The following WDR41 variants were observed in gnomAD, a reference collection of about 807,000 sequenced individuals.
WDR41 encodes the protein WD repeat-containing protein 41.
In WDR41, 63 loss-of-function variants were observed where a neutral mutation model predicts 69.3. That is an observed-to-expected ratio of 0.91 (90% CI 0.74 to 1.12). The LOEUF (loss-of-function observed/expected upper bound fraction) is 1.12, where lower values mean the gene tolerates loss of function less well. WDR41 is among the 50% of genes most tolerant of loss of function. The probability of loss-of-function intolerance (pLI) is 0.00; values close to 1 mark genes in which losing one functional copy is unlikely to be tolerated. For missense variants in WDR41, 543 were observed against 534.5 expected (o/e 1.02, Z -0.16); for synonymous variants, 185 against 192.1 (o/e 0.96, Z 0.31).
At chr5:77,561,832 CA>C (rs1318597343) in intron 1 of WDR41, among the ~76,000 whole-genome samples, 1 of 151,764 alleles carries the variant, frequency 6.6e-6, no homozygotes, top group Non-Finnish European at 1.5e-5. Flanking sequence ...TCTTTTGAAA[CA>C]AAAAAAGATT....
At chr5:77,470,657 CAACAAAGATCAAAAGA>C (rs1333765765) in intron 2 of WDR41, among the ~76,000 whole-genome samples, 1 of 152,034 alleles carries the variant, frequency 6.6e-6, no homozygotes, top group East Asian at 1.9e-4. Context: ...GACTTTAAAC[CAACAAAGATCAAAAGA>C]GACAAAGAAG....
intron 1 of WDR41, among the ~76,000 whole-genome samples, chr5:77,501,972 AT>A (rs1315124016): frequency 1.3e-5 from 2 of 152,140 alleles, no homozygotes; most frequent in African/African-American, 2.4e-5. Flanking sequence ...CCTCTTCTCC[AT>A]CACAGCTCCT....
chr5:77,608,322 C>T (rs1744466613), intron 1 of WDR41, among the ~76,000 whole-genome samples: 1 of 152,144 alleles, frequency 6.6e-6, no homozygotes, highest in Non-Finnish European at 1.5e-5. Flanking sequence ...GGAGATCAAG[C>T]TGTTACCACT....
chr5:77,499,092 A>T (rs1801979270), intron 1 of WDR41, among the ~76,000 whole-genome samples: 2 of 152,222 alleles, frequency 1.3e-5, no homozygotes, highest in Admixed American at 1.3e-4. Context: ...TCTGAGTGAG[A>T]TAGGATAAAT....
intron 1 of WDR41, among the ~76,000 whole-genome samples, chr5:77,547,527 C>CA (rs370772709): frequency 0.034 from 4,078 of 120,706 alleles, 68 homozygotes; most frequent in Middle Eastern, 0.067. Context: ...ACAGTAGCTA[C>CA]AAAAAAAAAA....
intron 1 of WDR41, among the ~76,000 whole-genome samples, chr5:77,571,676 C>CA (rs1429090006): frequency 1.4e-4 from 22 of 152,240 alleles, no homozygotes; most frequent in Admixed American, 9.2e-4. Flanking sequence ...ATTCTTAGCT[C>CA]ACAGAGAGCA....
intron 1 of WDR41, among the ~76,000 whole-genome samples, chr5:77,498,658 A>G (rs1037716721): frequency 2.0e-5 from 3 of 152,014 alleles, no homozygotes; most frequent in African/African-American, 7.2e-5. Flanking sequence ...ATATCTATAA[A>G]AAGTTTTAAA....
At chr5:77,556,415 T>C (rs935068419) in intron 1 of WDR41, among the ~76,000 whole-genome samples, 6 of 152,016 alleles carry the variant, frequency 3.9e-5, no homozygotes, top group Non-Finnish European at 7.4e-5. Flanking sequence ...GACTGACTGT[T>C]TGTTTGTTTT....
At chr5:77,613,834 A>C in intron 1 of WDR41, among the ~76,000 whole-genome samples, 1 of 152,264 alleles carries the variant, frequency 6.6e-6, no homozygotes, top group Non-Finnish European at 1.5e-5. Flanking sequence ...AAAGCAAAAG[A>C]AACTACCATT....
upstream of WDR41, among the ~76,000 whole-genome samples, chr5:77,496,697 T>G (rs1288638170): frequency 3.3e-5 from 5 of 152,052 alleles, no homozygotes; most frequent in East Asian, 9.6e-4. Flanking sequence ...CAAAGCAATC[T>G]CCAGATTCAA....
At chr5:77,597,336 G>A (rs538880908) in intron 1 of WDR41, among the ~76,000 whole-genome samples, 1 of 152,084 alleles carries the variant, frequency 6.6e-6, no homozygotes, top group South Asian at 2.1e-4. Flanking sequence ...TGAGGAAAAG[G>A]TACTTTGAAT....
chr5:77,491,985 C>T (rs1801815964), intron 1 of WDR41, 185 bp downstream of exon 1: 1 of 715,686 alleles, frequency 1.4e-6, no homozygotes, highest in Non-Finnish European at 2.2e-6. Flanking sequence ...CCCGCCGGGT[C>T]TGAGGAGCTC....
intron 1 of WDR41, chr5:77,583,198 A>G (rs1391925301): frequency 3.7e-6 from 3 of 802,512 alleles, no homozygotes; most frequent in Non-Finnish European, 5.9e-6. Context: ...ATAAAAAAAA[A>G]AAGTGCAGAG....
chr5:77,444,891 A>G (rs911701543), intron 8 of WDR41, among the ~76,000 whole-genome samples: 1 of 152,246 alleles, frequency 6.6e-6, no homozygotes, highest in African/African-American at 2.4e-5. Context: ...TATAAAGTAA[A>G]AAGTACTAAT....
At chr5:77,474,956 C>T (rs1243530223) in intron 2 of WDR41, among the ~76,000 whole-genome samples, 1 of 152,152 alleles carries the variant, frequency 6.6e-6, no homozygotes. Context: ...TCAGTGGGTG[C>T]GTGCACCGTG....
intron 1 of WDR41, among the ~76,000 whole-genome samples, chr5:77,531,265 G>T (rs985148919): frequency 2.0e-5 from 3 of 151,372 alleles, no homozygotes; most frequent in African/African-American, 7.3e-5. Context: ...ATCTGAAAAG[G>T]GTCTCACATC....
At chr5:77,580,850 G>C (rs1173939629) in intron 1 of WDR41, among the ~76,000 whole-genome samples, 1 of 151,946 alleles carries the variant, frequency 6.6e-6, no homozygotes, top group African/African-American at 2.4e-5. Flanking sequence ...CAGCTACTTG[G>C]GAGGCTGAGG....
intron 1 of WDR41, among the ~76,000 whole-genome samples, chr5:77,591,800 A>T (rs1254368639): frequency 6.6e-6 from 1 of 152,126 alleles, no homozygotes; most frequent in Non-Finnish European, 1.5e-5. Context: ...AACTTGCTTT[A>T]TGTTCCACCA....
intron 2 of WDR41, among the ~76,000 whole-genome samples, chr5:77,472,250 AT>A (rs1354056144): frequency 6.6e-6 from 1 of 152,220 alleles, no homozygotes; most frequent in East Asian, 1.9e-4. Context: ...CTCTCAATAA[AT>A]TAGGTATGGA....
Sources: allele counts gnomAD v4.1 joint callset (sites outside exome capture counted in the v4.1 genomes callset), GRCh38; gene constraint gnomAD v4.1.1; transcripts MANE v1.5; gene names NCBI Gene and HGNC (gene_info 2026-07-23, HGNC 2026-07-21).